GAS6: variants seen among roughly 807,000 people sequenced by gnomAD.
The protein encoded by GAS6 is growth arrest-specific protein 6.
GAS6 carries 41 observed loss-of-function variants against 75.8 expected under a neutral mutation model. The observed-to-expected ratio is 0.54, with a 90% CI of 0.42 to 0.70. GAS6 has a LOEUF of 0.70. Ranked by LOEUF, GAS6 falls within the 30% of genes least tolerant of loss-of-function variation. The pLI, the probability that GAS6 is intolerant of heterozygous loss-of-function variation, is 0.00. For missense variants in GAS6, 854 were observed against 940.2 expected (o/e 0.91, Z 1.20); for synonymous variants, 432 against 412.6 (o/e 1.05, Z -0.57).
chr13:113,827,255 G>A, intron 11 of GAS6, 91 bp from the exon 12 acceptor site: 1 of 1,303,728 alleles, frequency 7.7e-7, no homozygotes, highest in Non-Finnish European at 1.1e-6. Context: ...TCGCGGCCCT[G>A]GTATGTGCAG....
intron 2 of GAS6, among the ~76,000 whole-genome samples, chr13:113,858,161 T>G (rs974799721): frequency 6.6e-6 from 1 of 152,268 alleles, no homozygotes. Context: ...AGTGGTCTTC[T>G]GACCCCAAAG....
At chr13:113,849,243 GTCTGTTGGGAGGGC>G (rs1376715627) in intron 2 of GAS6, among the ~76,000 whole-genome samples, 1 of 152,214 alleles carries the variant, frequency 6.6e-6, no homozygotes, top group African/African-American at 2.4e-5. Flanking sequence ...CAGCTCACGT[GTCTGTTGGGAGGGC>G]GGCCGCCCTG....
At chr13:113,852,383 G>A (rs1349004741) in intron 2 of GAS6, among the ~76,000 whole-genome samples, 1 of 152,198 alleles carries the variant, frequency 6.6e-6, no homozygotes, top group East Asian at 1.9e-4. Context: ...CTCCTCTGAC[G>A]CCTCCCTGAC....
chr13:113,825,885 T>C (rs1036013290), intron 12 of GAS6, among the ~76,000 whole-genome samples: 35 of 152,098 alleles, frequency 2.3e-4, no homozygotes, highest in African/African-American at 7.2e-4. Flanking sequence ...TCCGCGTGGA[T>C]CCCCTTGAAC....
intron 4 of GAS6, chr13:113,840,157 G>C: frequency 2.7e-6 from 1 of 365,056 alleles, no homozygotes; most frequent in Non-Finnish European, 5.0e-6. Context: ...GTGAGGCCTG[G>C]GAGCTCAGAC....
At chr13:113,825,997 C>A (rs573498412) in intron 12 of GAS6, among the ~76,000 whole-genome samples, 9 of 152,116 alleles carry the variant, frequency 5.9e-5, no homozygotes, top group Non-Finnish European at 1.3e-4. Flanking sequence ...ATAAACGGCT[C>A]GGTGTCCAGG....
At chr13:113,832,273 G>C (rs775549947) in intron 10 of GAS6, 26 bp downstream of exon 10, 50 of 1,592,434 alleles carry the variant, frequency 3.1e-5, no homozygotes, top group Non-Finnish European at 4.2e-5. Flanking sequence ...CGTGAGGCCT[G>C]GAAGGGGTGG....
intron 4 of GAS6, chr13:113,843,412 C>T (rs1312001384): frequency 6.6e-6 from 1 of 151,304 alleles, no homozygotes; most frequent in East Asian, 1.9e-4. Context: ...AGAGCCCTGT[C>T]TGCCCGAGGG....
At position 113,842,839 on chromosome 13, in the gene GAS6, C is replaced by T. The variant is rs180713761; in HGVS notation, c.344-2989G>A. 1,772 of 396,982 alleles carry T rather than the reference C, an allele frequency of 4.5e-3. 25 individuals are homozygous for T. Among genetic ancestry groups the T allele is most frequent in the Non-Finnish European group, 6.3e-3 (1,423 of 226,046 alleles). The allele number at this position is 396,982 out of a possible 1,614,324, so 24.6% of individuals were successfully genotyped here. On this transcript the variant is annotated intron_variant, in intron 4 of 14. Transcript: ENST00000327773. ...CATGTGATGCAAAGGGCTGGGAACC[C>T]GGTCTTGACTTTGCCTGGAATGCCT...
intron 4 of GAS6, chr13:113,840,506 C>G (rs1417910411): frequency 6.6e-6 from 1 of 152,410 alleles, no homozygotes; most frequent in African/African-American, 2.4e-5. Flanking sequence ...GCCAGTGCAG[C>G]TGCTTCCCAA....
At chr13:113,854,391 C>CGGCGGTAACGCCGAGACTCGCCCCGCAT (rs2051897827) in intron 2 of GAS6, among the ~76,000 whole-genome samples, 1 of 152,368 alleles carries the variant, frequency 6.6e-6, no homozygotes, top group South Asian at 2.1e-4. Context: ...AGCAGCTGCA[C>CGGCGGTAACGCCGAGACTCGCCCCGCAT]GGCGGTAACG....
intron 5 of GAS6, chr13:113,839,500 T>C (rs1464064079): frequency 3.6e-6 from 2 of 548,790 alleles, no homozygotes; most frequent in Non-Finnish European, 6.3e-6. Context: ...CAGTGGGTGC[T>C]GAGGCATCAC....
chr13:113,835,074 C>CTT (rs2051684964), intron 7 of GAS6, among the ~76,000 whole-genome samples: 1 of 152,220 alleles, frequency 6.6e-6, no homozygotes, highest in Admixed American at 6.5e-5. Context: ...TGGGCTTCCC[C>CTT]ACCCTCTCTG....
rs890027803 is a variant in GAS6 at position 113,835,516 on chromosome 13, G to T, written c.709C>A (p.Arg237=). ...FAYSSQEKAC[R]DVDECLQGRC... is the part of the protein sequence containing the mutation. Reference sequence around the variant, plus strand: ...GGTGACCGCGTGGCGTGGGTACCTCGGCAAGCCTTCTCCTGGGAGCTGTAC... The same window carrying T: ...GGTGACCGCGTGGCGTGGGTACCTCTGCAAGCCTTCTCCTGGGAGCTGTAC... Residue 237 remains arginine, a synonymous_variant, in exon 7 of 15, where the codon CGA becomes AGA. Transcript: ENST00000327773. 8 of 1,612,416 alleles carry T rather than the reference G, an allele frequency of 5.0e-6. No homozygotes were observed. The highest frequency in any genetic ancestry group is 6.8e-6 in the Non-Finnish European group (8 of 1,179,738).
At chr13:113,855,006 G>GCAACAGCT in intron 2 of GAS6, among the ~76,000 whole-genome samples, 1 of 152,372 alleles carries the variant, frequency 6.6e-6, no homozygotes, top group South Asian at 2.1e-4. Context: ...CCTCGTGCCC[G>GCAACAGCT]CAACAGCTGC....
chr13:113,853,924 C>T (rs1460263118), intron 2 of GAS6, among the ~76,000 whole-genome samples: 2 of 152,248 alleles, frequency 1.3e-5, no homozygotes, highest in East Asian at 1.9e-4. Context: ...TTCACACCCG[C>T]AGCAGCCTGC....
At chr13:113,847,708 G>C in intron 3 of GAS6, 1 of 398,782 alleles carries the variant, frequency 2.5e-6, no homozygotes, top group South Asian at 2.6e-5. Flanking sequence ...GAAGTGATTA[G>C]TGCTGAGGTC....
In GAS6 at chr13:113,820,570, T is replaced by G; in HGVS notation, c.*294A>C. The stretch of plus-strand genomic sequence containing the variant: ...GGTGTTACAAAGCTTTCTGTAAATA[T>G]TTTATTTTCCATATTTTAGAGTCAG... On this transcript the variant is annotated 3_prime_UTR_variant, in exon 15 of 15. Coordinates refer to ENST00000327773, the MANE Select transcript of GAS6 (RefSeq NM_000820.4). 2 of 397,520 alleles carry G rather than the reference T, an allele frequency of 5.0e-6. No individual in the cohort carries two copies. Among genetic ancestry groups the G allele is most frequent in the Non-Finnish European group, 4.5e-6 (1 of 220,918 alleles). The allele number at this position is 397,520 out of a possible 1,614,324, so 24.6% of individuals were successfully genotyped here. A position where few individuals can be genotyped will look rare whatever the true frequency, so the allele number is the denominator to read the frequency against.
At chr13:113,825,696 T>C (rs369638621) in intron 12 of GAS6, among the ~76,000 whole-genome samples, 1 of 152,226 alleles carries the variant, frequency 6.6e-6, no homozygotes, top group African/African-American at 2.4e-5. Context: ...ATTATGATGC[T>C]CTAGATTTGG....
Sources: gnomAD v4.1 joint callset for allele counts (sites outside exome capture counted in the v4.1 genomes callset) on GRCh38, gnomAD v4.1.1 for gene constraint, MANE v1.5 for transcripts, NCBI Gene and HGNC (gene_info 2026-07-23, HGNC 2026-07-21) for gene names.